The following AKAP9 variants were observed in gnomAD, a reference collection of about 807,000 sequenced individuals.
AKAP9 encodes the protein A-kinase anchor protein 9.
AKAP9 carries 311 observed loss-of-function variants against 488.5 expected under a neutral mutation model. That is an observed-to-expected ratio of 0.64 (90% CI 0.58 to 0.70). The LOEUF is 0.70. Among genes scored for constraint, AKAP9 ranks in the 30% least tolerant of loss-of-function variants. AKAP9 has a pLI of 0.00. For missense variants in AKAP9, 4,215 were observed against 4,374.5 expected, an observed-to-expected ratio of 0.96 and a Z score of 1.03; for synonymous variants, 1,462 against 1,483.5, an observed-to-expected ratio of 0.99 and a Z score of 0.33.
Position 92,052,809 on chromosome 7 carries a change from G to A in AKAP9, c.5452G>A (p.Gly1818Arg), listed in dbSNP as rs760985791. 28 of 1,613,852 alleles carry A rather than the reference G, an allele frequency of 1.7e-5. No individual in the cohort carries two copies. The highest frequency in any genetic ancestry group is 2.3e-5 in the Non-Finnish European group (27 of 1,179,842). The part of the protein sequence containing the change: ...INMWSKVTEE[G>R]TELSQRLVRS... ...CATGTGGTCAAAAGTAACTGAGGAA[G>A]GAACAGAGCTGTCACAACGACTTGT... The change falls in exon 22 of 50, where the codon GGA (glycine) becomes AGA (arginine). Residue 1818 changes from glycine (G) to arginine (R), a missense_variant. This residue lies in a region of AKAP9 where 2,361 missense variants were observed against 2,430.0 expected (regional missense o/e 0.97). Transcript: ENST00000356239.
In AKAP9 at chr7:91,947,611, A is replaced by T. The variant is rs890572652; in HGVS notation, c.48+6464A>T. 5.9e-5 allele frequency among the ~76,000 whole-genome samples: 9 copies of T among 152,282 alleles called. No individual in the cohort carries two copies. The East Asian group carries it at 1.7e-3, about 29-fold the overall frequency. ...CACCTTGGCCTCCCAAAGTGCTGGG[A>T]TTACAGGCGTGAGCAACCGCGCCCG... On this transcript the variant is annotated intron_variant, in intron 1 of 49. Coordinates refer to ENST00000356239, the MANE Select transcript of AKAP9 (RefSeq NM_005751.5).
At chr7:92,056,220 C>T (rs959327257) in intron 22 of AKAP9, among the ~76,000 whole-genome samples, 6 of 151,678 alleles carry the variant, frequency 4.0e-5, no homozygotes, top group Non-Finnish European at 5.9e-5. Flanking sequence ...TTATCCTGAC[C>T]GAAATGTTAA....
chr7:92,085,073 T>C (rs1259296120), intron 35 of AKAP9, 133 bp downstream of exon 35: 1 of 979,734 alleles, frequency 1.0e-6, no homozygotes, highest in East Asian at 2.7e-5. Context: ...ATCTGAGAGA[T>C]CTATTTTATT....
chr7:92,072,579 A>G (rs1811895125), intron 28 of AKAP9, among the ~76,000 whole-genome samples: 1 of 152,246 alleles, frequency 6.6e-6, no homozygotes, highest in Non-Finnish European at 1.5e-5. Context: ...CAGAGCCTAA[A>G]TTTGTATAAA....
intron 43 of AKAP9, 64 bp from the exon 44 acceptor site, chr7:92,099,623 A>T: frequency 6.6e-7 from 1 of 1,511,756 alleles, no homozygotes; most frequent in Non-Finnish European, 9.2e-7. Flanking sequence ...GCCTATTCAC[A>T]CTTTATATGC....
rs1420666959 is a variant in AKAP9, at chr7:91,940,895, CGGCGGT to C, written c.-203_-198del. 16 of 612,330 alleles carry C rather than the reference CGGCGGT, an allele frequency of 2.6e-5. No individual in the cohort carries two copies. The highest frequency in any genetic ancestry group is 4.4e-5 in the Non-Finnish European group (15 of 341,726). The allele number at this position is 612,330 out of a possible 1,614,324, so 37.9% of individuals were successfully genotyped here. Reference sequence around the variant, plus strand: ...GTGGAGACGAAGATGGCGGCGGCGGCGGCGGTGACGGCGCTTCCCGTGCGGCTGAGG... The same window carrying C: ...GTGGAGACGAAGATGGCGGCGGCGGCGACGGCGCTTCCCGTGCGGCTGAGG... On this transcript the variant is annotated 5_prime_UTR_variant, in exon 1 of 50. Transcript: ENST00000356239.
At chr7:91,996,121 C>A in intron 7 of AKAP9, 1 of 304,302 alleles carries the variant, frequency 3.3e-6, no homozygotes, top group Non-Finnish European at 6.0e-6. Flanking sequence ...AAAATATTTT[C>A]ACAACAGAGA....
chr7:92,095,371 G>A lies in AKAP9; in HGVS notation c.9729+198G>A, dbSNP rs539743739. On this transcript the variant is annotated intron_variant, in intron 40 of 49. Coordinates refer to ENST00000356239, the MANE Select transcript of AKAP9 (RefSeq NM_005751.5). ...GGTGATTGGTTTTTTTTGTTTGTTT[G>A]TTTGTTTTGCTACATCCAAAGATGC... 7.2e-5 allele frequency among the ~76,000 whole-genome samples: 11 copies of A among 152,192 alleles called. No homozygotes were observed. The South Asian group carries it at 2.1e-3, about 29-fold the overall frequency.
At chr7:92,066,594 T>G (rs115363370) in intron 26 of AKAP9, 48 bp downstream of exon 26, 1 of 1,607,150 alleles carries the variant, frequency 6.2e-7, no homozygotes, top group African/African-American at 1.3e-5. Context: ...TTGTATCAAG[T>G]GTAAAATAAG....
In AKAP9 at chr7:92,002,246, A is replaced by C. The variant is rs767657445; in HGVS notation, c.2329A>C (p.Asn777His). Reference sequence around the variant, plus strand: ...AAAATTTGCACAACTTGAAGCAGAGAATAGCATTCTTAAAGATGAAAAGAA... The same window carrying C: ...AAAATTTGCACAACTTGAAGCAGAGCATAGCATTCTTAAAGATGAAAAGAA... Reference protein sequence around the residue: ...QEKFAQLEAENSILKDEKKTL... With the variant: ...QEKFAQLEAEHSILKDEKKTL... Residue 777 changes from asparagine to histidine, a missense_variant, in exon 8 of 50, where the codon AAT becomes CAT. Asn to His is a moderately conservative substitution (Grantham distance 68, BLOSUM62 1). Transcript: ENST00000356239. 6 of 1,600,424 alleles carry C rather than the reference A, an allele frequency of 3.7e-6. 1 individual carries two copies. Among genetic ancestry groups the C allele is most frequent in the South Asian group, 2.3e-5 (2 of 86,668 alleles).
At chr7:91,970,676 C>T (rs1213637333) in intron 1 of AKAP9, among the ~76,000 whole-genome samples, 1 of 152,150 alleles carries the variant, frequency 6.6e-6, no homozygotes, top group East Asian at 1.9e-4. Context: ...GTTTCTTCCT[C>T]CTGTATGACC....
At chr7:91,996,010 A>G (rs1798363224) in intron 7 of AKAP9, 2 of 503,114 alleles carry the variant, frequency 4.0e-6, no homozygotes, top group East Asian at 3.1e-5. Context: ...TGATCAGCCT[A>G]TGTTAAACTG....
At chr7:92,046,870 T>C (rs1423158599) in intron 21 of AKAP9, among the ~76,000 whole-genome samples, 1 of 152,230 alleles carries the variant, frequency 6.6e-6, no homozygotes, top group Non-Finnish European at 1.5e-5. Context: ...TTGACTGCCA[T>C]ATTCAGAAGA....
chr7:92,108,613 G>A lies in AKAP9; in HGVS notation c.11666G>A (p.Arg3889Gln), dbSNP rs776533579. Residue 3889 changes from arginine (R) to glutamine (Q), a missense_variant, in exon 49 of 50, where the codon CGA becomes CAA. By Grantham distance (43) the Arg-to-Gln change is conservative. Around this residue, in one of 5 missense-constraint regions of AKAP9, gnomAD observed 253 missense variants for 266.8 expected, o/e 0.95. Coordinates refer to ENST00000356239, the MANE Select transcript of AKAP9 (RefSeq NM_005751.5). The stretch of plus-strand genomic sequence containing the variant: ...ACTCGGCTAGAGGCACTGCAAAGAC[G>A]ACTTGGAACTATACAGTCAGGTGCT... ...YITRLEALQR[R>Q]LGTIQSGSTT... The A allele has an allele frequency of 2.5e-6, 4 of 1,614,168 alleles. No individual in the cohort carries two copies. Among genetic ancestry groups the A allele is most frequent in the East Asian group, 4.5e-5 (2 of 44,884 alleles).
chr7:92,084,469 TATTC>T (rs973773036), intron 33 of AKAP9, among the ~76,000 whole-genome samples, 167 bp from the exon 34 acceptor site: 10 of 151,966 alleles, frequency 6.6e-5, no homozygotes, highest in Non-Finnish European at 1.5e-4. Flanking sequence ...CTTATGGTAA[TATTC>T]ATGAAGAAAC....
chr7:91,942,739 G>C (rs1790932593), intron 1 of AKAP9, among the ~76,000 whole-genome samples: 3 of 152,142 alleles, frequency 2.0e-5, no homozygotes, highest in South Asian at 4.1e-4. Context: ...AGTTGATGTG[G>C]CAAAATACAA....
At chr7:92,083,010 T>C (rs549626919) in intron 32 of AKAP9, among the ~76,000 whole-genome samples, 160 bp from the exon 33 acceptor site, 1 of 152,296 alleles carries the variant, frequency 6.6e-6, no homozygotes, top group African/African-American at 2.4e-5. Flanking sequence ...TACAAATATA[T>C]ATATGTAAAC....
intron 39 of AKAP9, among the ~76,000 whole-genome samples, chr7:92,093,680 G>T (rs1389810370): frequency 1.3e-5 from 2 of 152,052 alleles, no homozygotes; most frequent in African/African-American, 4.8e-5. Context: ...CTTGTTAAAA[G>T]AATATATTTC....
intron 11 of AKAP9, among the ~76,000 whole-genome samples, chr7:92,016,733 C>T (rs544008399): frequency 1.3e-5 from 2 of 151,956 alleles, no homozygotes; most frequent in Non-Finnish European, 2.9e-5. Flanking sequence ...GATGTTCTTT[C>T]ACAGAGAAAA....
Sources: gnomAD v4.1 joint callset for allele counts (sites outside exome capture counted in the v4.1 genomes callset) on GRCh38, gnomAD v4.1.1 for gene constraint, gnomAD v4.1.1 regional missense constraint, MANE v1.5 for transcripts, NCBI Gene and HGNC (gene_info 2026-07-23, HGNC 2026-07-21) for gene names.